EPB41L2: variants seen among roughly 807,000 people sequenced by gnomAD.
EPB41L2 encodes the protein erythrocyte membrane protein band 4.1 like 2, also known as band 4.1-like protein 2.
EPB41L2 carries 43 observed loss-of-function variants against 113.0 expected under a neutral mutation model. The ratio of observed to expected loss-of-function variants is 0.38; its 90% CI spans 0.30 to 0.49. The LOEUF (loss-of-function observed/expected upper bound fraction) is 0.49, where lower values mean the gene tolerates loss of function less well. Among genes scored for constraint, EPB41L2 ranks in the 20% least tolerant of loss-of-function variants. The pLI is 0.95. For missense variants in EPB41L2, 1,147 were observed against 1,223.4 expected (o/e 0.94, Z 0.93); for synonymous variants, 442 against 436.7 (o/e 1.01, Z -0.15).
At chr6:130,953,689 C>T (rs1005085546) in intron 3 of EPB41L2, among the ~76,000 whole-genome samples, 3 of 152,008 alleles carry the variant, frequency 2.0e-5, no homozygotes, top group East Asian at 1.9e-4. Flanking sequence ...AAAGAGGTGG[C>T]GTCTTTAGGA....
At chr6:130,885,023 A>G (rs1203107163) in intron 12 of EPB41L2, 73 bp downstream of exon 12, 69 of 1,523,008 alleles carry the variant, frequency 4.5e-5, no homozygotes, top group Non-Finnish European at 6.0e-5. Context: ...TGATTTCTGA[A>G]ACAGAAAATA....
intron 18 of EPB41L2, 68 bp from the exon 19 acceptor site, chr6:130,858,311 C>A (rs770417338): frequency 4.9e-6 from 6 of 1,234,920 alleles, no homozygotes; most frequent in Non-Finnish European, 6.9e-6. Flanking sequence ...TGGCAAAACA[C>A]ACACACACTG....
At chr6:131,019,102 A>G (rs957129063) in intron 1 of EPB41L2, among the ~76,000 whole-genome samples, 1 of 152,198 alleles carries the variant, frequency 6.6e-6, no homozygotes, top group African/African-American at 2.4e-5. Context: ...TTATTTGGGG[A>G]AAACTGTTAT....
chr6:131,060,097 A>G (rs1397336314), intron 1 of EPB41L2, among the ~76,000 whole-genome samples: 1 of 152,210 alleles, frequency 6.6e-6, no homozygotes, highest in Non-Finnish European at 1.5e-5. Context: ...CTTCAGTTCA[A>G]AAAAGAAAGA....
At chr6:130,845,418 C>T (rs369548017) in intron 19 of EPB41L2, among the ~76,000 whole-genome samples, 34 of 152,186 alleles carry the variant, frequency 2.2e-4, no homozygotes, top group Admixed American at 6.5e-4. Context: ...TGCTCTGTCA[C>T]CCAGGCTGGG....
chr6:130,908,956 A>T, intron 4 of EPB41L2, 93 bp from the exon 5 acceptor site: 1 of 1,026,290 alleles, frequency 9.7e-7, no homozygotes, highest in South Asian at 1.6e-5. Flanking sequence ...GTGTAAACAC[A>T]TTTTAATAAA....
At chr6:130,880,329 T>C (rs957095167) in intron 12 of EPB41L2, 123 bp from the exon 13 acceptor site, 2 of 670,528 alleles carry the variant, frequency 3.0e-6, no homozygotes, top group African/African-American at 3.6e-5. Context: ...GGAATACAAA[T>C]CTTATGAACT....
At chr6:130,948,095 G>T (rs888424736) in intron 3 of EPB41L2, among the ~76,000 whole-genome samples, 3 of 152,196 alleles carry the variant, frequency 2.0e-5, no homozygotes, top group Middle Eastern at 3.4e-3. Flanking sequence ...ATCATGTCTT[G>T]TCCTCCAAAG....
At chr6:130,908,395 A>G (rs1054688349) in intron 5 of EPB41L2, among the ~76,000 whole-genome samples, 1 of 152,216 alleles carries the variant, frequency 6.6e-6, no homozygotes, top group Non-Finnish European at 1.5e-5. Flanking sequence ...TCCTCACTCC[A>G]GTACATCCAG....
At chr6:130,865,199 C>T (rs1206664736) in intron 17 of EPB41L2, among the ~76,000 whole-genome samples, 4 of 152,172 alleles carry the variant, frequency 2.6e-5, no homozygotes, top group South Asian at 2.1e-4. Context: ...TTCATTCATT[C>T]GCTTTAGTCA....
chr6:130,914,192 T>C (rs1800253384), intron 4 of EPB41L2, among the ~76,000 whole-genome samples: 1 of 152,212 alleles, frequency 6.6e-6, no homozygotes, highest in Admixed American at 6.5e-5. Context: ...TATTCAAGCC[T>C]GAAGAATAAA....
chr6:130,946,565 T>C lies in EPB41L2; in HGVS notation c.705+8540A>G, dbSNP rs796715882. Among the ~76,000 whole-genome samples the C allele has an allele frequency of 1.8e-4, 28 of 151,932 alleles. 1 individual carries two copies. The highest frequency in any genetic ancestry group is 6.8e-4 in the African/African-American group (28 of 41,446). ...TATCTAATTCCTGAAGTTTAGGAGA[T>C]AAAGAATAGGTTGATAGCCCACAGG... On this transcript the variant is annotated intron_variant, in intron 3 of 19. Coordinates refer to ENST00000337057, the MANE Select transcript of EPB41L2 (RefSeq NM_001431.4).
intron 1 of EPB41L2, chr6:131,062,546 G>C (rs7763960): frequency 0.26 from 39,730 of 151,210 alleles, 5,427 homozygotes; most frequent in East Asian, 0.43. Context: ...GCGGACGCGA[G>C]CCTACAGCGG....
intron 1 of EPB41L2, among the ~76,000 whole-genome samples, chr6:131,002,021 T>A (rs1784462952): frequency 6.6e-6 from 1 of 152,124 alleles, no homozygotes; most frequent in African/African-American, 2.4e-5. Flanking sequence ...CTCACCAAAT[T>A]CACCTGAGCC....
In EPB41L2 at chr6:131,029,431, T is replaced by C. The variant is rs186177885; in HGVS notation, c.-15+33724A>G. ...AAAAAAAAAGCATGCTTAATTCCAC[T>C]AGTCAAATTCTGAAAACCACCTGGC... On this transcript the variant is annotated intron_variant, in intron 1 of 19. Transcript: ENST00000337057. 1.3e-3 allele frequency among the ~76,000 whole-genome samples: 194 copies of C among 145,558 alleles called. 1 individual carries two copies. Among genetic ancestry groups the C allele is most frequent in the Non-Finnish European group, 1.8e-3 (121 of 66,656 alleles).
At chr6:130,912,728 GC>G (rs1562470277) in intron 4 of EPB41L2, among the ~76,000 whole-genome samples, 2 of 152,210 alleles carry the variant, frequency 1.3e-5, no homozygotes, top group East Asian at 3.9e-4. Context: ...CTCACAAATG[GC>G]CAGCCTCGAT....
At position 130,990,775 on chromosome 6, in the gene EPB41L2, C is replaced by T. The variant is rs540234874; in HGVS notation, c.-14-34276G>A. Among the ~76,000 whole-genome samples the T allele has an allele frequency of 4.6e-5, 7 of 151,258 alleles. No homozygotes were observed. The South Asian group carries it at 1.3e-3, about 27-fold the overall frequency. On this transcript the variant is annotated intron_variant, in intron 1 of 19. Transcript: ENST00000337057. ...TATGGTTGGTATACTATGCCGAGGACATATAATTAAATGTTCTAAAGGTGC... is the reference window on the plus strand; with the variant it reads ...TATGGTTGGTATACTATGCCGAGGATATATAATTAAATGTTCTAAAGGTGC...
chr6:130,887,972 T>C (rs1162704869), intron 11 of EPB41L2, among the ~76,000 whole-genome samples: 1 of 152,216 alleles, frequency 6.6e-6, no homozygotes, highest in Non-Finnish European at 1.5e-5. Flanking sequence ...TGATATTTGA[T>C]CTTTAGATTG....
intron 1 of EPB41L2, among the ~76,000 whole-genome samples, chr6:130,994,142 C>T (rs1782532736): frequency 6.6e-6 from 1 of 152,124 alleles, no homozygotes; most frequent in Non-Finnish European, 1.5e-5. Context: ...CAGCAAAATC[C>T]ACTGGCAGAG....
Sources: allele counts gnomAD v4.1 joint callset (sites outside exome capture counted in the v4.1 genomes callset), GRCh38; gene constraint gnomAD v4.1.1; transcripts MANE v1.5; gene names NCBI Gene and HGNC (gene_info 2026-07-23, HGNC 2026-07-21).